Variants in SNTG1 observed in about 807,000 individuals in gnomAD.
The protein encoded by SNTG1 is syntrophin gamma 1.
SNTG1 carries 39 observed loss-of-function variants against 74.7 expected under a neutral mutation model. The ratio of observed to expected loss-of-function variants is 0.52; its 90% confidence interval spans 0.40 to 0.68. SNTG1 has a LOEUF of 0.68. Among genes scored for constraint, SNTG1 ranks in the 30% least tolerant of loss-of-function variants. The pLI is 0.00. For missense variants in SNTG1, 685 were observed against 609.5 expected (o/e 1.12, Z -1.30); for synonymous variants, 254 against 217.1 (o/e 1.17, Z -1.49).
intron 8 of SNTG1, among the ~76,000 whole-genome samples, chr8:50,455,143 A>G (rs1440840473): frequency 1.3e-5 from 2 of 152,200 alleles, no homozygotes; most frequent in Non-Finnish European, 2.9e-5. Context: ...TAACTATAGC[A>G]GAAAAGTATT....
intron 18 of SNTG1, among the ~76,000 whole-genome samples, chr8:50,787,118 G>C (rs7819884): frequency 6.6e-6 from 1 of 151,246 alleles, no homozygotes; most frequent in South Asian, 2.1e-4. Context: ...ATATATAAAG[G>C]GTTTTCAGAG....
At chr8:50,282,579 A>G (rs1348602584) in intron 2 of SNTG1, among the ~76,000 whole-genome samples, 1 of 144,742 alleles carries the variant, frequency 6.9e-6, no homozygotes, top group Admixed American at 7.3e-5. Flanking sequence ...TTTCCTTAAA[A>G]CTGTCTGCCC....
intron 15 of SNTG1, among the ~76,000 whole-genome samples, chr8:50,691,330 T>A (rs2095378161): frequency 1.3e-5 from 2 of 152,212 alleles, no homozygotes. Context: ...GTTGATGCAG[T>A]TTCTTCCTAG....
At chr8:50,342,544 A>G (rs1030771832) in intron 2 of SNTG1, among the ~76,000 whole-genome samples, 12 of 152,194 alleles carry the variant, frequency 7.9e-5, no homozygotes, top group Non-Finnish European at 1.6e-4. Flanking sequence ...TTTAGAAAGA[A>G]GTATTTTGGC....
At chr8:50,761,927 C>T (rs1206005077) in intron 18 of SNTG1, among the ~76,000 whole-genome samples, 3 of 151,948 alleles carry the variant, frequency 2.0e-5, no homozygotes, top group Admixed American at 1.3e-4. Context: ...ACACATAAAT[C>T]ACACTAAAAT....
intron 1 of SNTG1, among the ~76,000 whole-genome samples, chr8:49,998,936 G>C (rs576183): frequency 6.6e-6 from 1 of 152,208 alleles, no homozygotes; most frequent in Admixed American, 6.6e-5. Flanking sequence ...TGTGTGTGCA[G>C]ACTTCTATAG....
At chr8:50,671,828 A>G (rs2095284668) in intron 15 of SNTG1, among the ~76,000 whole-genome samples, 1 of 151,950 alleles carries the variant, frequency 6.6e-6, no homozygotes, top group Non-Finnish European at 1.5e-5. Flanking sequence ...GATTAAGAAA[A>G]TGTGGCACAT....
At position 50,181,099 on chromosome 8, in the gene SNTG1, T is replaced by C. The variant is rs531953003; in HGVS notation, c.-28+8464T>C. Among the ~76,000 whole-genome samples, 2 of 152,208 alleles carry C rather than the reference T, an allele frequency of 1.3e-5. 1 individual carries two copies. Among genetic ancestry groups the C allele is most frequent in the South Asian group, 4.1e-4 (2 of 4,820 alleles). ...TGAAGAGAAGTCTTGCATTACTCCA[T>C]TGCCAAGAGTACTTCTCCCTCCTAG... On this transcript the variant is annotated intron_variant, in intron 2 of 18. Coordinates refer to ENST00000642720, the MANE Select transcript of SNTG1 (RefSeq NM_018967.5).
intron 1 of SNTG1, among the ~76,000 whole-genome samples, chr8:50,084,136 C>T (rs538786353): frequency 3.3e-5 from 5 of 152,270 alleles, no homozygotes; most frequent in African/African-American, 1.2e-4. Flanking sequence ...AAATGTTGTG[C>T]TAAATAGTGT....
In SNTG1 at chr8:50,696,111, A is replaced by C. The variant is rs147695424; in HGVS notation, c.1039-8489A>C. Among the ~76,000 whole-genome samples, 1,369 of 152,000 alleles carry C rather than the reference A, an allele frequency of 9.0e-3. 7 individuals are homozygous for C. The highest frequency in any genetic ancestry group is 0.02 in the South Asian group (95 of 4,818). ...AGTGTATAAGCATTTCCTTTTCTCT[A>C]TATCTTCACCAAATCTGTTATTTTA... On this transcript the variant is annotated intron_variant, in intron 15 of 18. Coordinates refer to ENST00000642720, the MANE Select transcript of SNTG1 (RefSeq NM_018967.5).
intron 2 of SNTG1, among the ~76,000 whole-genome samples, chr8:50,234,889 G>C (rs141449052): frequency 3.0e-3 from 451 of 152,172 alleles, no homozygotes; most frequent in Middle Eastern, 0.014. Context: ...ACAGCTAACA[G>C]ATAGAAGCTG....
chr8:50,754,960 G>A (rs570646840), intron 18 of SNTG1, among the ~76,000 whole-genome samples: 4 of 151,558 alleles, frequency 2.6e-5, no homozygotes, highest in Non-Finnish European at 5.9e-5. Context: ...GTTTTTCAGA[G>A]CAGTTTTCAG....
chr8:50,550,684 A>AGTGTGTGTGTGTGTGT (rs201370751), intron 11 of SNTG1, among the ~76,000 whole-genome samples: 1 of 145,452 alleles, frequency 6.9e-6, no homozygotes, highest in African/African-American at 2.7e-5. Context: ...AATTTTTTTT[A>AGTGTGTGTGTGTGTGT]GTGTGTGTGT....
chr8:50,026,029 C>T (rs1585948079), intron 1 of SNTG1, among the ~76,000 whole-genome samples: 1 of 152,226 alleles, frequency 6.6e-6, no homozygotes, highest in East Asian at 1.9e-4. Flanking sequence ...GAGTAGAATA[C>T]AAATGAGTTT....
chr8:50,492,091 T>C (rs2093861638), intron 8 of SNTG1, among the ~76,000 whole-genome samples: 1 of 152,204 alleles, frequency 6.6e-6, no homozygotes. Context: ...CTGCATAGTA[T>C]TCTATGGTGT....
intron 9 of SNTG1, among the ~76,000 whole-genome samples, chr8:50,519,320 A>G (rs1164119629): frequency 6.6e-6 from 1 of 152,194 alleles, no homozygotes; most frequent in Non-Finnish European, 1.5e-5. Flanking sequence ...AACCAGAGCT[A>G]TTTATGACAA....
intron 6 of SNTG1, 145 bp from the exon 7 acceptor site, chr8:50,450,411 A>AT (rs1346577851): frequency 1.1e-5 from 9 of 798,798 alleles, no homozygotes; most frequent in African/African-American, 1.7e-5. Flanking sequence ...TCGAATTTCC[A>AT]TTTTTTGTGG....
Position 50,214,026 on chromosome 8 carries a change from A to G in SNTG1, c.-28+41391A>G, listed in dbSNP as rs561260651. 2.0e-3 allele frequency among the ~76,000 whole-genome samples: 311 copies of G among 152,084 alleles called. 3 individuals are homozygous for G. Among genetic ancestry groups the G allele is most frequent in the African/African-American group, 6.9e-3 (288 of 41,506 alleles). Reference sequence around the variant, plus strand: ...CCCCATGCCTATGTCCTGAATGGTAATGCCTAGGTTTTCTTCTAGGGTTTT... The same window carrying G: ...CCCCATGCCTATGTCCTGAATGGTAGTGCCTAGGTTTTCTTCTAGGGTTTT... On this transcript the variant is annotated intron_variant, in intron 2 of 18. Transcript: ENST00000642720.
At chr8:50,036,776 CTG>C (rs1322355638) in intron 1 of SNTG1, among the ~76,000 whole-genome samples, 2 of 152,196 alleles carry the variant, frequency 1.3e-5, no homozygotes, top group Non-Finnish European at 2.9e-5. Context: ...TAAGCATTCT[CTG>C]TAAGTTTAGA....
Sources: allele counts gnomAD v4.1 joint callset (sites outside exome capture counted in the v4.1 genomes callset), GRCh38; gene constraint gnomAD v4.1.1; transcripts MANE v1.5; gene names NCBI Gene and HGNC (gene_info 2026-07-23, HGNC 2026-07-21).